DNASE1: variants seen among roughly 807,000 people sequenced by gnomAD.
DNASE1 encodes deoxyribonuclease 1, also known as deoxyribonuclease-1.
DNASE1 carries 40 observed loss-of-function variants against 33.9 expected under a neutral mutation model. The observed-to-expected ratio is 1.18, with a 90% CI of 0.92 to 1.54. The LOEUF is 1.54. DNASE1 is among the 40% of genes most tolerant of loss of function. The pLI is 0.00. For missense variants in DNASE1, 518 were observed against 372.6 expected (o/e 1.39, Z -3.21); for synonymous variants, 216 against 160.0 (o/e 1.35, Z -2.64).
chr16:3,652,548 G>A (rs1217786619), upstream of DNASE1: 1 of 152,298 alleles, frequency 6.6e-6, no homozygotes, highest in African/African-American at 2.4e-5. Flanking sequence ...TGAAACCTTT[G>A]GAAAAGCCTG....
intron 1 of DNASE1, among the ~76,000 whole-genome samples, chr16:3,629,095 C>T (rs2041617405): frequency 2.0e-5 from 3 of 148,870 alleles, no homozygotes; most frequent in East Asian, 2.0e-4. Flanking sequence ...TTGCTTAAAC[C>T]CTGGAGGCGG....
chr16:3,657,841 A>C, intron 8 of DNASE1, 25 bp downstream of exon 8: 1 of 1,614,002 alleles, frequency 6.2e-7, no homozygotes, highest in Non-Finnish European at 8.5e-7. Flanking sequence ...TTGCACAGCC[A>C]CATGAGGATG....
upstream of DNASE1, chr16:3,651,866 G>C (rs904617762): frequency 6.6e-6 from 1 of 152,356 alleles, no homozygotes; most frequent in Non-Finnish European, 1.5e-5. Flanking sequence ...GGAGAAGTGA[G>C]AGTGCTGGAG....
upstream of DNASE1, among the ~76,000 whole-genome samples, chr16:3,637,972 G>T (rs78315731): frequency 0.044 from 6,638 of 152,238 alleles, 187 homozygotes; most frequent in Admixed American, 0.058. Context: ...GTTCAGTGTT[G>T]TTTCTTGTAA....
chr16:3,656,334 C>A (rs966077261), intron 4 of DNASE1, 149 bp downstream of exon 4: 1 of 879,760 alleles, frequency 1.1e-6, no homozygotes, highest in Non-Finnish European at 1.8e-6. Flanking sequence ...ACCCCAAGGT[C>A]CCGGACCAAT....
At chr16:3,638,290 C>T (rs896716196), upstream of DNASE1, among the ~76,000 whole-genome samples, 2 of 152,082 alleles carry the variant, frequency 1.3e-5, no homozygotes, top group Non-Finnish European at 2.9e-5. Context: ...TTTTCTACAA[C>T]TTGATTATGA....
chr16:3,630,366 A>G (rs2041659893), intron 1 of DNASE1, among the ~76,000 whole-genome samples: 1 of 151,918 alleles, frequency 6.6e-6, no homozygotes, highest in South Asian at 2.1e-4. Flanking sequence ...ACTTTTTTGT[A>G]GAGACAGGTT....
chr16:3,663,787 CAT>C (rs1377546078), exon 10 of DNASE1: 2 of 574,032 alleles, frequency 3.5e-6, no homozygotes, highest in Non-Finnish European at 6.1e-6. Flanking sequence ...AAGAAATCCA[CAT>C]GTGGCTGAGT....
At position 3,664,702 on chromosome 16, in the gene DNASE1, C is replaced by T; in HGVS notation, c.*6749C>T. On this transcript the variant is annotated 3_prime_UTR_variant, in exon 10 of 10. Transcript: ENST00000407479. ...TGCCCCAGGTGGCCCAGGGGCTCTC[C>T]AGGGAGCTACGCGCACCACGCCCTG... 3 of 501,572 alleles carry T rather than the reference C, an allele frequency of 6.0e-6. No homozygotes were observed. In the South Asian group the frequency reaches 7.7e-5, roughly 13 times the overall value. The allele number at this position is 501,572 out of a possible 1,614,324, so 31.1% of individuals were successfully genotyped here.
At chr16:3,641,440 C>A (rs1199161034), upstream of DNASE1, among the ~76,000 whole-genome samples, 1 of 152,212 alleles carries the variant, frequency 6.6e-6, no homozygotes, top group African/African-American at 2.4e-5. Context: ...CACAGGCAGG[C>A]CCTCTGGGGA....
chr16:3,647,253 AATC>A (rs1473004588), intron 1 of DNASE1, among the ~76,000 whole-genome samples: 2 of 150,652 alleles, frequency 1.3e-5, no homozygotes, highest in Non-Finnish European at 2.9e-5. Flanking sequence ...TGTAAGAACT[AATC>A]ATGGGATTTT....
At chr16:3,661,924 G>T (rs1036397056), downstream of DNASE1, 3 of 1,512,114 alleles carry the variant, frequency 2.0e-6, no homozygotes, top group Non-Finnish European at 2.6e-6. Context: ...CACAACAAAA[G>T]AACACCACAC....
At chr16:3,649,191 G>C (rs1422113192) in intron 1 of DNASE1, among the ~76,000 whole-genome samples, 1 of 152,216 alleles carries the variant, frequency 6.6e-6, no homozygotes, top group Non-Finnish European at 1.5e-5. Context: ...CACTACATCA[G>C]GGCTGAGATT....
chr16:3,657,590 G>C, intron 7 of DNASE1, 130 bp from the exon 8 acceptor site: 1 of 1,321,704 alleles, frequency 7.6e-7, no homozygotes. Flanking sequence ...GCACAGACCA[G>C]GGTGTGCAGT....
At chr16:3,641,451 G>T (rs947527749), upstream of DNASE1, among the ~76,000 whole-genome samples, 1 of 152,200 alleles carries the variant, frequency 6.6e-6, no homozygotes, top group Non-Finnish European at 1.5e-5. Context: ...CCTCTGGGGA[G>T]CCCCTCAGTG....
intron 1 of DNASE1, among the ~76,000 whole-genome samples, chr16:3,624,489 C>G (rs1027472735): frequency 6.6e-6 from 1 of 152,168 alleles, no homozygotes; most frequent in Non-Finnish European, 1.5e-5. Flanking sequence ...CCTTGCCGCC[C>G]CTGGCTGAGT....
At chr16:3,632,404 A>G (rs2041727447) in intron 1 of DNASE1, among the ~76,000 whole-genome samples, 1 of 152,202 alleles carries the variant, frequency 6.6e-6, no homozygotes, top group South Asian at 2.1e-4. Context: ...TGTTAGGCGT[A>G]TACACATAAG....
intron 1 of DNASE1, among the ~76,000 whole-genome samples, chr16:3,634,554 G>A (rs1444338773): frequency 6.6e-6 from 1 of 152,066 alleles, no homozygotes; most frequent in Admixed American, 6.6e-5. Flanking sequence ...CTGTCGTCCA[G>A]GCTGGAATAT....
At chr16:3,662,093 C>T (rs201100613), downstream of DNASE1, 46 of 1,613,254 alleles carry the variant, frequency 2.9e-5, no homozygotes, top group African/African-American at 4.0e-5. Flanking sequence ...ATCTCCAGCA[C>T]GGTGACCATG....
Sources: gnomAD v4.1 joint callset for allele counts (sites outside exome capture counted in the v4.1 genomes callset) on GRCh38, gnomAD v4.1.1 for gene constraint, MANE v1.5 for transcripts, NCBI Gene and HGNC (gene_info 2026-07-23, HGNC 2026-07-21) for gene names.